Variants in SZRD1 observed in about 807,000 individuals in gnomAD.
SZRD1 encodes the protein SUZ RNA binding domain containing 1.
In SZRD1, 7 loss-of-function variants were observed where a neutral mutation model predicts 17.6. That is an observed-to-expected ratio of 0.40 (90% CI 0.23 to 0.75). The LOEUF is 0.75. Ranked by LOEUF, SZRD1 falls within the 30% of genes least tolerant of loss-of-function variation. SZRD1 has a pLI of 0.38. For missense variants in SZRD1, 178 were observed against 201.8 expected, an observed-to-expected ratio of 0.88 and a Z score of 0.71; for synonymous variants, 77 against 77.9, an observed-to-expected ratio of 0.99 and a Z score of 0.06.
chr1:16,371,021 C>A (rs2100691127), intron 1 of SZRD1, among the ~76,000 whole-genome samples: 1 of 152,260 alleles, frequency 6.6e-6, no homozygotes, highest in East Asian at 1.9e-4. Context: ...CAGGTTATCC[C>A]CTCTTCCTAC....
At chr1:16,367,605 G>C in intron 1 of SZRD1, 1 of 477,158 alleles carries the variant, frequency 2.1e-6, no homozygotes, top group South Asian at 2.7e-5. Flanking sequence ...CCCACTTGCT[G>C]GCCGTGGGCC....
rs764826448 is a variant in SZRD1, at chr1:16,393,195, A to G, written c.102-33A>G. On this transcript the variant is annotated intron_variant, in intron 2 of 3. Coordinates refer to ENST00000401088, the MANE Select transcript of SZRD1 (RefSeq NM_001114600.3). This position sits in a 1 kb window ranked among gnomAD's most constrained non-coding sequence, Gnocchi z 5.6. ...GGACAGGGCCTCCTTAGTCAGGAGC[A>G]TGATTTGTGAAGCTGTGTTTGCTCT... 6.8e-6 allele frequency: 11 copies of G among 1,608,372 alleles called. No homozygotes were observed. In the African/African-American group the frequency reaches 1.3e-4, roughly 20 times the overall value.
intron 1 of SZRD1, among the ~76,000 whole-genome samples, chr1:16,374,959 C>A (rs2082974996): frequency 6.6e-6 from 1 of 152,048 alleles, no homozygotes; most frequent in South Asian, 2.1e-4. Flanking sequence ...CTCGCTGCAA[C>A]CTCTGCCTCC....
intron 1 of SZRD1, among the ~76,000 whole-genome samples, chr1:16,373,482 G>C (rs1468270323): frequency 6.6e-6 from 1 of 151,618 alleles, no homozygotes; most frequent in African/African-American, 2.4e-5. Flanking sequence ...GGGAGGCCAA[G>C]GCAGGAGAAT....
chr1:16,388,617 T>C (rs1365175409), intron 1 of SZRD1, among the ~76,000 whole-genome samples: 1 of 151,156 alleles, frequency 6.6e-6, no homozygotes, highest in Non-Finnish European at 1.5e-5. Context: ...AACAATACAT[T>C]ATAAGGCAAA....
chr1:16,382,907 CCCT>C (rs1446365380), intron 1 of SZRD1, among the ~76,000 whole-genome samples: 2 of 152,020 alleles, frequency 1.3e-5, no homozygotes, highest in Non-Finnish European at 2.9e-5. Context: ...ACTCTCTCCC[CCCT>C]GCTAGAGTAC....
intron 1 of SZRD1, among the ~76,000 whole-genome samples, chr1:16,383,052 G>T (rs116499985): frequency 7.2e-5 from 11 of 151,794 alleles, no homozygotes; most frequent in Non-Finnish European, 1.3e-4. Flanking sequence ...TTTTAGAAGG[G>T]ACAGGGTTTC....
At chr1:16,388,302 G>A (rs920269701) in intron 1 of SZRD1, among the ~76,000 whole-genome samples, 6 of 152,086 alleles carry the variant, frequency 3.9e-5, no homozygotes, top group African/African-American at 1.4e-4. Flanking sequence ...GTTTCACCTT[G>A]TTGACCAGGC....
intron 1 of SZRD1, among the ~76,000 whole-genome samples, chr1:16,389,823 A>C (rs976185728): frequency 6.6e-6 from 1 of 152,198 alleles, no homozygotes; most frequent in Non-Finnish European, 1.5e-5. Flanking sequence ...ATCTCACCAA[A>C]TTTCAAAGTC....
chr1:16,367,876 C>G (rs1341370095), intron 1 of SZRD1: 1 of 152,578 alleles, frequency 6.6e-6, no homozygotes, highest in Non-Finnish European at 1.5e-5. Flanking sequence ...CACTTTTACT[C>G]CAAGAAGAGT....
At chr1:16,394,142 C>A (rs2085265352) in intron 3 of SZRD1, among the ~76,000 whole-genome samples, 1 of 152,148 alleles carries the variant, frequency 6.6e-6, no homozygotes, top group South Asian at 2.1e-4. Context: ...TGAGGGGCTG[C>A]TATGGTTTGG....
At chr1:16,380,593 C>T (rs758275461) in intron 1 of SZRD1, among the ~76,000 whole-genome samples, 1 of 152,174 alleles carries the variant, frequency 6.6e-6, no homozygotes, top group Non-Finnish European at 1.5e-5. Context: ...CTCAGCCTCC[C>T]GAGTAGCTGG....
chr1:16,388,708 CAG>C (rs1165656609), intron 1 of SZRD1, among the ~76,000 whole-genome samples: 6 of 103,442 alleles, frequency 5.8e-5, no homozygotes, highest in African/African-American at 2.3e-4. Context: ...TTTTTTGAGA[CAG>C]AGTCTTGCCC....
chr1:16,379,791 C>T (rs1371109448), intron 1 of SZRD1, among the ~76,000 whole-genome samples: 2 of 136,090 alleles, frequency 1.5e-5, no homozygotes, highest in East Asian at 2.4e-4. Flanking sequence ...GACGAAGTCT[C>T]GCTCTGTTGC....
intron 1 of SZRD1, among the ~76,000 whole-genome samples, chr1:16,376,217 T>C (rs1288682554): frequency 1.3e-5 from 2 of 152,222 alleles, no homozygotes; most frequent in Admixed American, 1.3e-4. Context: ...GCAATTTGTT[T>C]ACATTTGCTT....
At chr1:16,376,130 T>C (rs1236094512) in intron 1 of SZRD1, among the ~76,000 whole-genome samples, 2 of 152,190 alleles carry the variant, frequency 1.3e-5, no homozygotes, top group Admixed American at 6.5e-5. Context: ...TTATTCCTGG[T>C]CCGGGGAGGA....
chr1:16,387,353 CTT>C (rs2085143287), intron 1 of SZRD1: 1 of 455,324 alleles, frequency 2.2e-6, no homozygotes, highest in African/African-American at 2.0e-5. Flanking sequence ...CTGGATGGGA[CTT>C]CTCAAATTCA....
At chr1:16,379,194 A>G (rs1243211198) in intron 1 of SZRD1, among the ~76,000 whole-genome samples, 1 of 151,788 alleles carries the variant, frequency 6.6e-6, no homozygotes, top group Non-Finnish European at 1.5e-5. Context: ...ATCTTGGCTC[A>G]CTGCAAGCTC....
Position 16,391,708 on chromosome 1 carries a change from G to A in SZRD1, c.101+284G>A, listed in dbSNP as rs910781356. On this transcript the variant is annotated intron_variant, in intron 2 of 3. Transcript: ENST00000401088. The surrounding 1 kb of genome is among the most constrained non-coding windows in gnomAD (Gnocchi z 4.3). ...GTTGGAAGACTTGAGTTTTAGGCCT[G>A]GCAGTGCCCCAGTTGCTCTGAGGTC... is the stretch of plus-strand genomic sequence containing the variant. Among the ~76,000 whole-genome samples, 9 of 152,030 alleles carry A rather than the reference G, an allele frequency of 5.9e-5. No homozygotes were observed. Among genetic ancestry groups the A allele is most frequent in the African/African-American group, 2.2e-4 (9 of 41,368 alleles).
Sources: gnomAD v4.1 joint callset for allele counts (sites outside exome capture counted in the v4.1 genomes callset) on GRCh38, gnomAD v4.1.1 for gene constraint, Gnocchi (gnomAD v3.1) non-coding constraint, MANE v1.5 for transcripts, NCBI Gene and HGNC (gene_info 2026-07-23, HGNC 2026-07-21) for gene names.